Variants in SCNN1B observed in about 807,000 individuals in gnomAD.
The protein encoded by SCNN1B is epithelial sodium channel subunit beta.
Under a neutral mutation model 65.3 loss-of-function variants are expected in SCNN1B, and 46 were observed. The observed-to-expected ratio is 0.70, with a 90% confidence interval of 0.56 to 0.90. SCNN1B has a LOEUF of 0.90. Ranked by LOEUF, SCNN1B falls within the 40% of genes least tolerant of loss-of-function variation. The pLI, the probability that SCNN1B is intolerant of heterozygous loss-of-function variation, is 0.00. For missense variants in SCNN1B, 751 were observed against 830.5 expected, an observed-to-expected ratio of 0.90 and a Z score of 1.18; for synonymous variants, 349 against 330.6, an observed-to-expected ratio of 1.06 and a Z score of -0.60.
chr16:23,328,514 C>T (rs987848055), intron 1 of SCNN1B, among the ~76,000 whole-genome samples: 4 of 152,198 alleles, frequency 2.6e-5, no homozygotes, highest in African/African-American at 9.7e-5. Flanking sequence ...CAATCTTTCA[C>T]TCCAATCTTT....
intron 10 of SCNN1B, among the ~76,000 whole-genome samples, chr16:23,378,383 A>T (rs1962957507): frequency 1.3e-5 from 2 of 152,176 alleles, no homozygotes; most frequent in South Asian, 4.1e-4. Context: ...TGACACCTGG[A>T]GGCAGAGGCT....
intron 1 of SCNN1B, among the ~76,000 whole-genome samples, chr16:23,279,734 G>A (rs778329220): frequency 1.3e-5 from 2 of 152,126 alleles, no homozygotes; most frequent in Non-Finnish European, 2.9e-5. Flanking sequence ...AGTGAAATTC[G>A]TACCTTCTAC....
upstream of SCNN1B, among the ~76,000 whole-genome samples, chr16:23,300,891 T>C (rs1249142452): frequency 1.3e-5 from 2 of 152,144 alleles, no homozygotes; most frequent in Non-Finnish European, 2.9e-5. Flanking sequence ...AGTGGGTTTA[T>C]TATAGTGTAA....
intron 5 of SCNN1B, among the ~76,000 whole-genome samples, chr16:23,369,545 T>G (rs1035079939): frequency 6.6e-6 from 1 of 152,028 alleles, no homozygotes; most frequent in South Asian, 2.1e-4. Flanking sequence ...GGCTGTGGTT[T>G]TGCGGCTTGT....
rs1596864331 is a variant in SCNN1B at position 23,352,970 on chromosome 16, C to T, written c.481C>T (p.Pro161Ser). 3 of 1,614,174 alleles carry T rather than the reference C, an allele frequency of 1.9e-6. No homozygotes were observed. Among genetic ancestry groups the T allele is most frequent in the South Asian group, 1.1e-5 (1 of 91,084 alleles). ...TATTGATGAACGGAACCCCCACCAC[C>T]CCATGGTCCTTGATCTCTTTGGAGA... Reference protein sequence around the residue: ...VLIDERNPHHPMVLDLFGDNH... With the variant: ...VLIDERNPHHSMVLDLFGDNH... Residue 161 changes from proline to serine, a missense_variant, in exon 3 of 13, where the codon CCC becomes TCC. Transcript: ENST00000343070.
At chr16:23,336,077 T>G (rs1961932839) in intron 1 of SCNN1B, among the ~76,000 whole-genome samples, 1 of 152,172 alleles carries the variant, frequency 6.6e-6, no homozygotes, top group South Asian at 2.1e-4. Flanking sequence ...AGATGTCAGG[T>G]GCCCCGTCTG....
chr16:23,284,308 G>T (rs1317781309), intron 2 of SCNN1B, among the ~76,000 whole-genome samples: 3 of 152,110 alleles, frequency 2.0e-5, no homozygotes, highest in Admixed American at 6.5e-5. Context: ...GGGAGGCTGA[G>T]GTAGAAGAAT....
chr16:23,315,329 G>C (rs57230759), intron 1 of SCNN1B, among the ~76,000 whole-genome samples: 84,551 of 151,604 alleles, frequency 0.56, 27,088 homozygotes, highest in African/African-American at 0.89. Flanking sequence ...AAGAGCGAAA[G>C]TCTGTCTCAA....
chr16:23,368,386 AC>A (rs1962716435), intron 5 of SCNN1B, among the ~76,000 whole-genome samples: 1 of 152,016 alleles, frequency 6.6e-6, no homozygotes, highest in Middle Eastern at 3.2e-3. Context: ...AAAAAAAAAT[AC>A]AAAAATTAGC....
chr16:23,374,791 G>A (rs1962858712), intron 7 of SCNN1B, among the ~76,000 whole-genome samples: 1 of 151,822 alleles, frequency 6.6e-6, no homozygotes, highest in African/African-American at 2.4e-5. Flanking sequence ...GCGCAGGTGT[G>A]GAGGGGCGGG....
chr16:23,321,115 G>T (rs564460595), intron 1 of SCNN1B, among the ~76,000 whole-genome samples: 5 of 152,094 alleles, frequency 3.3e-5, no homozygotes, highest in Admixed American at 1.3e-4. Flanking sequence ...TATGATAGCC[G>T]ACTGCAACCT....
intron 1 of SCNN1B, among the ~76,000 whole-genome samples, chr16:23,307,412 C>T (rs558218058): frequency 3.3e-5 from 5 of 149,690 alleles, no homozygotes; most frequent in Non-Finnish European, 5.9e-5. Context: ...CTCCACTTCC[C>T]GGGTTCAAGT....
intron 1 of SCNN1B, among the ~76,000 whole-genome samples, chr16:23,343,659 G>GGAA (rs1491571502): frequency 6.8e-6 from 1 of 146,464 alleles, no homozygotes; most frequent in African/African-American, 2.5e-5. Flanking sequence ...AAAAAAGAAA[G>GGAA]GAAGGAAGGA....
chr16:23,303,564 C>A (rs1038367691), intron 1 of SCNN1B, among the ~76,000 whole-genome samples: 2 of 152,048 alleles, frequency 1.3e-5, no homozygotes, highest in Non-Finnish European at 2.9e-5. Flanking sequence ...CCTTCTAGAC[C>A]CTTTCCCCCA....
intron 4 of SCNN1B, 39 bp from the exon 5 acceptor site, chr16:23,367,817 T>G (rs1962701206): frequency 4.0e-6 from 6 of 1,498,812 alleles, no homozygotes; most frequent in Non-Finnish European, 5.6e-6. Context: ...GCATTGCCTG[T>G]GGTGGAACCT....
chr16:23,312,057 C>G (rs1961355948), intron 1 of SCNN1B, among the ~76,000 whole-genome samples: 1 of 151,960 alleles, frequency 6.6e-6, no homozygotes, highest in South Asian at 2.1e-4. Flanking sequence ...TTTGCCTGCC[C>G]TAGGAGAAGG....
chr16:23,322,951 G>A (rs906436709), intron 1 of SCNN1B, among the ~76,000 whole-genome samples: 1 of 151,758 alleles, frequency 6.6e-6, no homozygotes, highest in African/African-American at 2.4e-5. Flanking sequence ...TTGGGAGGCC[G>A]AGGTGGGCAG....
intron 4 of SCNN1B, among the ~76,000 whole-genome samples, chr16:23,360,412 G>A (rs1399846869): frequency 6.6e-6 from 1 of 151,642 alleles, no homozygotes; most frequent in Non-Finnish European, 1.5e-5. Flanking sequence ...AGCCCGGCGT[G>A]GTGGTACACA....
intron 5 of SCNN1B, among the ~76,000 whole-genome samples, chr16:23,370,133 T>C (rs1962753187): frequency 6.6e-6 from 1 of 151,044 alleles, no homozygotes; most frequent in South Asian, 2.1e-4. Flanking sequence ...TGATATGGAG[T>C]TTTGCTCTGT....
Sources: gnomAD v4.1 joint callset for allele counts (sites outside exome capture counted in the v4.1 genomes callset) on GRCh38, gnomAD v4.1.1 for gene constraint, MANE v1.5 for transcripts, NCBI Gene and HGNC (gene_info 2026-07-23, HGNC 2026-07-21) for gene names.